Variants in ZFHX3 observed in about 807,000 individuals in gnomAD.
The protein encoded by ZFHX3 is zinc finger homeobox 3, also known as zinc finger homeobox protein 3.
A neutral mutation model predicts 279.1 loss-of-function variants in ZFHX3; 42 were observed. That is an observed-to-expected ratio of 0.15 (90% CI 0.12 to 0.19). ZFHX3 has a LOEUF of 0.19. Among genes scored for constraint, ZFHX3 ranks in the 10% least tolerant of loss-of-function variants. ZFHX3 has a pLI of 1.00. For missense variants in ZFHX3, 4,981 were observed against 4,754.0 expected (o/e 1.05, Z -1.40); for synonymous variants, 2,293 against 1,957.8 (o/e 1.17, Z -4.52).
At chr16:73,192,180 T>A (rs895558781) in intron 5 of ZFHX3, among the ~76,000 whole-genome samples, 1 of 152,064 alleles carries the variant, frequency 6.6e-6, no homozygotes, top group African/African-American at 2.4e-5. Context: ...GCCCCTGGGA[T>A]CAGATGTCCA....
At chr16:73,294,350 C>G (rs1156944241) in intron 4 of ZFHX3, 1 of 152,202 alleles carries the variant, frequency 6.6e-6, no homozygotes, top group Non-Finnish European at 1.5e-5. Flanking sequence ...CAAAGCCTCT[C>G]CCAAGATAAG....
At chr16:73,701,672 G>A (rs1025336686) in intron 1 of ZFHX3, among the ~76,000 whole-genome samples, 2 of 151,946 alleles carry the variant, frequency 1.3e-5, no homozygotes, top group South Asian at 2.1e-4. Flanking sequence ...AATTATAAAC[G>A]CCTTTGCCTT....
intron 3 of ZFHX3, among the ~76,000 whole-genome samples, chr16:73,418,716 T>C (rs1444842068): frequency 6.6e-6 from 1 of 152,202 alleles, no homozygotes; most frequent in Non-Finnish European, 1.5e-5. Flanking sequence ...AGGTCTCCCA[T>C]CCCCTCTGTT....
At chr16:72,950,148 C>T (rs1960911191) in intron 3 of ZFHX3, among the ~76,000 whole-genome samples, 1 of 151,012 alleles carries the variant, frequency 6.6e-6, no homozygotes, top group Non-Finnish European at 1.5e-5. Context: ...AGAGGGAAAC[C>T]ACAGGAGCAG....
At chr16:72,828,691 G>A (rs2036990959) in intron 5 of ZFHX3, among the ~76,000 whole-genome samples, 1 of 152,170 alleles carries the variant, frequency 6.6e-6, no homozygotes, top group African/African-American at 2.4e-5. Flanking sequence ...ACCCTTCACT[G>A]CTGACTCCCT....
chr16:73,396,722 C>A (rs1370170503), intron 3 of ZFHX3, among the ~76,000 whole-genome samples: 1 of 152,184 alleles, frequency 6.6e-6, no homozygotes, highest in Non-Finnish European at 1.5e-5. Context: ...GGGGAAACCA[C>A]CACCATGATC....
chr16:73,276,918 T>C (rs1021736014), intron 4 of ZFHX3, among the ~76,000 whole-genome samples: 2 of 152,220 alleles, frequency 1.3e-5, no homozygotes, highest in African/African-American at 4.8e-5. Context: ...TGTTCCTTTC[T>C]ACCTTCCAAG....
At chr16:72,918,854 C>T (rs1356738914) in intron 3 of ZFHX3, among the ~76,000 whole-genome samples, 2 of 151,990 alleles carry the variant, frequency 1.3e-5, no homozygotes, top group East Asian at 3.9e-4. Context: ...CGCCACCATG[C>T]CCAGCTAATT....
At chr16:73,216,513 C>T (rs2012214620) in intron 5 of ZFHX3, among the ~76,000 whole-genome samples, 1 of 152,206 alleles carries the variant, frequency 6.6e-6, no homozygotes, top group East Asian at 1.9e-4. Flanking sequence ...CAAGAGTCAA[C>T]TCATTCATCT....
intron 1 of ZFHX3, among the ~76,000 whole-genome samples, chr16:73,733,216 A>C (rs2142251392): frequency 6.6e-6 from 1 of 152,340 alleles, no homozygotes; most frequent in Non-Finnish European, 1.5e-5. Flanking sequence ...TAATGATATC[A>C]CTGACTATAG....
chr16:73,300,264 TA>T (rs36110201), intron 4 of ZFHX3, among the ~76,000 whole-genome samples: 1,499 of 124,052 alleles, frequency 0.012, 18 homozygotes, highest in African/African-American at 0.024. Context: ...CTCTGTCTCT[TA>T]AAAAAAAAAA....
chr16:73,516,555 T>C (rs919476693), intron 2 of ZFHX3, among the ~76,000 whole-genome samples: 3 of 152,336 alleles, frequency 2.0e-5, no homozygotes, highest in Admixed American at 2.0e-4. Context: ...GGCTTAGACA[T>C]ACCTCCAGCT....
intron 5 of ZFHX3, among the ~76,000 whole-genome samples, chr16:73,146,447 C>G (rs1966863925): frequency 6.6e-6 from 1 of 151,052 alleles, no homozygotes; most frequent in African/African-American, 2.4e-5. Flanking sequence ...AAAAAAAGAT[C>G]TTCTGAAAGG....
At chr16:73,047,189 A>C (rs545950645) in intron 1 of ZFHX3, among the ~76,000 whole-genome samples, 2 of 152,222 alleles carry the variant, frequency 1.3e-5, no homozygotes, top group African/African-American at 2.4e-5. Context: ...ACAGGATAAA[A>C]ATCTTGACTC....
chr16:73,729,887 C>A (rs771240478), intron 1 of ZFHX3, among the ~76,000 whole-genome samples: 2 of 152,136 alleles, frequency 1.3e-5, no homozygotes, highest in African/African-American at 4.8e-5. Context: ...CCTCAGTAAC[C>A]GTCTCTACCA....
At position 73,129,433 on chromosome 16, in the gene ZFHX3, G is replaced by C. The variant is rs1308282111; in HGVS notation, c.-897+1535C>G. On this transcript the variant is annotated intron_variant, in intron 7 of 17. Transcript: ENST00000641206. ...ACACACAGAATTGAAGTGATATCTA[G>C]TGTCAGTCTCTATTTTCTCTGAGCC... Among the ~76,000 whole-genome samples the C allele has an allele frequency of 3.4e-5, 5 of 146,732 alleles. No individual in the cohort carries two copies. The East Asian group carries it at 1.1e-3, about 31-fold the overall frequency.
chr16:72,864,304 C>A (rs527748836), intron 4 of ZFHX3, among the ~76,000 whole-genome samples: 11 of 152,250 alleles, frequency 7.2e-5, no homozygotes, highest in African/African-American at 2.6e-4. Context: ...CCCACATTGA[C>A]CACCATGTCT....
intron 1 of ZFHX3, among the ~76,000 whole-genome samples, chr16:72,988,960 G>A (rs61543228): frequency 0.26 from 38,792 of 151,954 alleles, 5,428 homozygotes; most frequent in Admixed American, 0.33. Flanking sequence ...AGGATCACAG[G>A]AGCCCCTGAG....
intron 5 of ZFHX3, among the ~76,000 whole-genome samples, chr16:73,168,695 A>T (rs1967451890): frequency 6.6e-6 from 1 of 152,192 alleles, no homozygotes; most frequent in Non-Finnish European, 1.5e-5. Context: ...GAATGTATTC[A>T]GCACTTGTTC....
Sources: gnomAD v4.1 joint callset for allele counts (sites outside exome capture counted in the v4.1 genomes callset) on GRCh38, gnomAD v4.1.1 for gene constraint, MANE v1.5 for transcripts, NCBI Gene and HGNC (gene_info 2026-07-23, HGNC 2026-07-21) for gene names.